TRPM2: variants seen among roughly 807,000 people sequenced by gnomAD.
TRPM2 encodes the protein transient receptor potential cation channel subfamily M member 2.
Under a neutral mutation model 174.0 loss-of-function variants are expected in TRPM2, and 161 were observed. The ratio of observed to expected loss-of-function variants is 0.93; its 90% CI spans 0.81 to 1.05. The LOEUF (loss-of-function observed/expected upper bound fraction) is 1.05, where lower values mean the gene tolerates loss of function less well. Among genes scored for constraint, TRPM2 ranks in the 50% least tolerant of loss-of-function variants. TRPM2 has a pLI of 0.00. For missense variants in TRPM2, 2,057 were observed against 2,038.0 expected (o/e 1.01, Z -0.18); for synonymous variants, 954 against 861.3 (o/e 1.11, Z -1.88).
rs369972655 is a variant in TRPM2 at position 44,378,891 on chromosome 21, T to A, written c.1015-106T>A. On this transcript the variant is annotated intron_variant, in intron 7 of 31. Coordinates refer to ENST00000397928, the MANE Select transcript of TRPM2 (RefSeq NM_003307.4). ...GTGCTTTCAGTGGATCTCGGAGTAGTGTTAGCCAGCTCTGCCCTTAGCTGG... is the reference window on the plus strand; with the variant it reads ...GTGCTTTCAGTGGATCTCGGAGTAGAGTTAGCCAGCTCTGCCCTTAGCTGG... 253 of 1,221,722 alleles carry A rather than the reference T, an allele frequency of 2.1e-4. No homozygotes were observed. The African/African-American group carries it at 3.2e-3, about 15-fold the overall frequency. The allele number at this position is 1,221,722 out of a possible 1,614,324, so 75.7% of individuals were successfully genotyped here. A position where few individuals can be genotyped will look rare whatever the true frequency, so the allele number is the denominator to read the frequency against.
intron 11 of TRPM2, among the ~76,000 whole-genome samples, chr21:44,394,317 CTT>C (rs35448660): frequency 1.3e-4 from 15 of 112,654 alleles, no homozygotes; most frequent in South Asian, 2.9e-4. Context: ...AAACACATTT[CTT>C]TTTTTTTTTT....
chr21:44,409,991 T>C (rs1405479499), intron 19 of TRPM2, among the ~76,000 whole-genome samples: 1 of 152,118 alleles, frequency 6.6e-6, no homozygotes, highest in Non-Finnish European at 1.5e-5. Flanking sequence ...TTGGTTGGCG[T>C]AGCCTTGTAG....
chr21:44,357,389 C>G (rs2146117220), intron 2 of TRPM2, among the ~76,000 whole-genome samples: 1 of 152,314 alleles, frequency 6.6e-6, no homozygotes, highest in African/African-American at 2.4e-5. Flanking sequence ...CCAAAGCCAT[C>G]CCCCATGCTC....
At chr21:44,405,782 C>T (rs2049848996) in intron 17 of TRPM2, 123 bp from the exon 18 acceptor site, 3 of 1,213,466 alleles carry the variant, frequency 2.5e-6, no homozygotes, top group Non-Finnish European at 3.4e-6. Flanking sequence ...ATGCAGGGCC[C>T]ACCAGAGCCC....
intron 2 of TRPM2, among the ~76,000 whole-genome samples, chr21:44,362,221 AG>A (rs1243090104): frequency 6.6e-6 from 1 of 151,944 alleles, no homozygotes; most frequent in Non-Finnish European, 1.5e-5. Flanking sequence ...TATTGAAATG[AG>A]GGCCGGGCAT....
chr21:44,402,215 A>C (rs1340547761), intron 16 of TRPM2, among the ~76,000 whole-genome samples: 1 of 152,176 alleles, frequency 6.6e-6, no homozygotes, highest in Non-Finnish European at 1.5e-5. Flanking sequence ...CAGGAAGAGC[A>C]GTGCAAGGTG....
Position 44,437,119 on chromosome 21 carries a change from A to G in TRPM2, c.4119A>G (p.Glu1373=). The G allele has an allele frequency of 6.4e-7, 1 of 1,551,382 alleles. No homozygotes were observed. Among genetic ancestry groups the G allele is most frequent in the Non-Finnish European group, 8.7e-7 (1 of 1,146,908 alleles). ...ICRKSIKKML[E]VLVVKLPLSE... ...GGAAGAGCATAAAGAAGATGCTGGAAGTGCTGGTGGTGAAGCTCCCTCTCT... is the reference window on the plus strand; with the variant it reads ...GGAAGAGCATAAAGAAGATGCTGGAGGTGCTGGTGGTGAAGCTCCCTCTCT... The change falls in exon 29 of 32, where the codon GAA becomes GAG. Residue 1373 remains glutamate, a synonymous_variant. Coordinates refer to ENST00000397928, the MANE Select transcript of TRPM2 (RefSeq NM_003307.4).
intron 27 of TRPM2, among the ~76,000 whole-genome samples, 166 bp from the exon 28 acceptor site, chr21:44,434,965 A>G (rs1249444143): frequency 6.6e-6 from 1 of 152,042 alleles, no homozygotes; most frequent in Non-Finnish European, 1.5e-5. Context: ...GGGGGTCCCA[A>G]AGGGATCCTA....
At chr21:44,435,531 C>A (rs1008349579) in intron 28 of TRPM2, among the ~76,000 whole-genome samples, 7 of 151,226 alleles carry the variant, frequency 4.6e-5, no homozygotes, top group Non-Finnish European at 8.9e-5. Context: ...CCCACACTCA[C>A]CCCTAAGTCT....
At chr21:44,423,545 C>T in intron 22 of TRPM2, 100 bp from the exon 23 acceptor site, 1 of 951,272 alleles carries the variant, frequency 1.1e-6, no homozygotes, top group Non-Finnish European at 1.7e-6. Context: ...TGACACAGGG[C>T]CTTGGTGGCT....
At chr21:44,437,724 C>T (rs893763197) in intron 29 of TRPM2, among the ~76,000 whole-genome samples, 4 of 152,196 alleles carry the variant, frequency 2.6e-5, no homozygotes, top group East Asian at 3.9e-4. Flanking sequence ...GGGAGGGGTG[C>T]ACACAATCAG....
chr21:44,374,742 C>T (rs1028710355), intron 5 of TRPM2, among the ~76,000 whole-genome samples: 16 of 152,224 alleles, frequency 1.1e-4, no homozygotes, highest in South Asian at 2.1e-4. Flanking sequence ...CGATGGGGAG[C>T]GGCTGTAAAT....
At chr21:44,411,519 T>C (rs1319144229) in intron 19 of TRPM2, among the ~76,000 whole-genome samples, 1 of 152,176 alleles carries the variant, frequency 6.6e-6, no homozygotes, top group Non-Finnish European at 1.5e-5. Flanking sequence ...CGAGACCATG[T>C]CATCTGCAAA....
chr21:44,436,822 T>C (rs1316317526), intron 28 of TRPM2, among the ~76,000 whole-genome samples: 1 of 152,104 alleles, frequency 6.6e-6, no homozygotes, highest in Non-Finnish European at 1.5e-5. Context: ...TAAAAAATTC[T>C]CCATGAAGGC....
chr21:44,361,129 C>G (rs1350282479), intron 2 of TRPM2, among the ~76,000 whole-genome samples: 1 of 152,258 alleles, frequency 6.6e-6, no homozygotes, highest in East Asian at 1.9e-4. Context: ...ATCCAAGTTG[C>G]TGCTTGTGTC....
intron 2 of TRPM2, among the ~76,000 whole-genome samples, chr21:44,362,226 CG>C (rs1311341951): frequency 6.6e-6 from 1 of 151,680 alleles, no homozygotes; most frequent in African/African-American, 2.4e-5. Flanking sequence ...AAATGAGGGC[CG>C]GGCATGGTGG....
At chr21:44,403,991 C>T (rs189210114) in intron 16 of TRPM2, among the ~76,000 whole-genome samples, 7,625 of 151,378 alleles carry the variant, frequency 0.05, 268 homozygotes, top group Admixed American at 0.088. Flanking sequence ...CATGCATACA[C>T]ACATACACAT....
At chr21:44,379,333 A>G in intron 8 of TRPM2, 136 bp downstream of exon 8, 1 of 1,030,634 alleles carries the variant, frequency 9.7e-7, no homozygotes, top group Non-Finnish European at 1.4e-6. Flanking sequence ...AGCGATTTGC[A>G]GAGGGCAGGG....
chr21:44,398,889 C>T (rs2049517673), intron 13 of TRPM2, among the ~76,000 whole-genome samples: 1 of 152,152 alleles, frequency 6.6e-6, no homozygotes, highest in East Asian at 1.9e-4. Flanking sequence ...ACGCAGACTG[C>T]TCCCAGGCAA....
Sources: allele counts gnomAD v4.1 joint callset (sites outside exome capture counted in the v4.1 genomes callset), GRCh38; gene constraint gnomAD v4.1.1; transcripts MANE v1.5; gene names NCBI Gene and HGNC (gene_info 2026-07-23, HGNC 2026-07-21).